The following SBF2 variants were observed in gnomAD, a reference collection of about 807,000 sequenced individuals.
The protein encoded by SBF2 is myotubularin-related protein 13.
SBF2 carries 112 observed loss-of-function variants against 225.2 expected under a neutral mutation model. That is an observed-to-expected ratio of 0.50 (90% confidence interval 0.43 to 0.58). The LOEUF (loss-of-function observed/expected upper bound fraction) is 0.58, where lower values mean the gene tolerates loss of function less well. Ranked by LOEUF, SBF2 falls within the 20% of genes least tolerant of loss-of-function variation. SBF2 has a pLI of 0.00. For synonymous variants in SBF2, 763 were observed against 773.3 expected (o/e 0.99, Z 0.22); for missense variants, 1,996 against 2,206.2 (o/e 0.90, Z 1.91).
intron 1 of SBF2, among the ~76,000 whole-genome samples, chr11:10,245,361 T>G (rs1250959709): frequency 6.6e-6 from 1 of 151,216 alleles, no homozygotes. Context: ...TAGTGCACAA[T>G]GACCTTGCCA....
chr11:10,070,824 C>T (rs1950835715), intron 2 of SBF2, among the ~76,000 whole-genome samples: 1 of 152,158 alleles, frequency 6.6e-6, no homozygotes, highest in South Asian at 2.1e-4. Context: ...TTTGTGTCCT[C>T]TTTTATTTCG....
chr11:10,067,333 AGTCCAAGT>A (rs1950662872), intron 2 of SBF2, among the ~76,000 whole-genome samples: 1 of 152,204 alleles, frequency 6.6e-6, no homozygotes, highest in East Asian at 1.9e-4. Context: ...ATGCAATCCC[AGTCCAAGT>A]GTCACCAGGT....
rs762424617 is a variant in SBF2 at position 9,787,767 on chromosome 11, A to G, written c.4933-29T>C. ...CAAAGAAATTAAAAGTTTTCTGATC[A>G]GTATTTCATAGAAATCAGGATGGGC... On this transcript the variant is annotated intron_variant, in intron 35 of 39. Transcript: ENST00000256190. The G allele has an allele frequency of 5.7e-6, 9 of 1,589,852 alleles. No homozygotes were observed. The South Asian group carries it at 1.0e-4, about 18-fold the overall frequency.
chr11:10,258,936 C>G (rs1197660996), intron 1 of SBF2, among the ~76,000 whole-genome samples: 1 of 152,006 alleles, frequency 6.6e-6, no homozygotes, highest in African/African-American at 2.4e-5. Flanking sequence ...CAAAGGCCAA[C>G]AGAAAAAATG....
chr11:9,944,596 A>T (rs955309310), intron 16 of SBF2, among the ~76,000 whole-genome samples: 1 of 152,202 alleles, frequency 6.6e-6, no homozygotes, highest in Admixed American at 6.5e-5. Context: ...AATACAGATA[A>T]CCTGGGAGGT....
chr11:10,156,527 T>C lies in SBF2; in HGVS notation c.141+37375A>G, dbSNP rs187888842. Among the ~76,000 whole-genome samples, 4 of 152,330 alleles carry C rather than the reference T, an allele frequency of 2.6e-5. No individual in the cohort carries two copies. The East Asian group carries it at 7.7e-4, about 29-fold the overall frequency. The stretch of plus-strand genomic sequence containing the variant: ...CTGGGTGAAGTTGGCACGTCAGTTC[T>C]GGGTGAAGTCTGGGGCTCAGAGTGA... On this transcript the variant is annotated intron_variant, in intron 2 of 39. Coordinates refer to ENST00000256190, the MANE Select transcript of SBF2 (RefSeq NM_030962.4).
At chr11:10,122,414 T>C (rs1228673832) in intron 2 of SBF2, among the ~76,000 whole-genome samples, 1 of 152,150 alleles carries the variant, frequency 6.6e-6, no homozygotes, top group African/African-American at 2.4e-5. Context: ...GACTAATATA[T>C]ATTTATGTAT....
At chr11:10,256,575 A>T (rs560890303) in intron 1 of SBF2, among the ~76,000 whole-genome samples, 5 of 152,338 alleles carry the variant, frequency 3.3e-5, no homozygotes, top group Non-Finnish European at 7.3e-5. Flanking sequence ...GTCAGAAATG[A>T]GCTATGGTTG....
chr11:10,132,232 A>T (rs1329360232), intron 2 of SBF2, among the ~76,000 whole-genome samples: 2 of 152,210 alleles, frequency 1.3e-5, no homozygotes, highest in African/African-American at 4.8e-5. Context: ...TCAATGGAAC[A>T]AACCAAATAT....
At chr11:9,882,663 T>C (rs182626239) in intron 17 of SBF2, among the ~76,000 whole-genome samples, 283 of 151,902 alleles carry the variant, frequency 1.9e-3, no homozygotes, top group Admixed American at 3.8e-3. Flanking sequence ...TAAAATTAGC[T>C]GGGCGCGGTG....
chr11:10,175,899 C>A (rs1272616438), intron 2 of SBF2, among the ~76,000 whole-genome samples: 1 of 151,856 alleles, frequency 6.6e-6, no homozygotes, highest in African/African-American at 2.4e-5. Context: ...GAACAACCGG[C>A]TCCTGAATGA....
At chr11:10,006,387 A>T (rs74767475) in intron 6 of SBF2, among the ~76,000 whole-genome samples, 117 of 152,306 alleles carry the variant, frequency 7.7e-4, no homozygotes, top group African/African-American at 2.7e-3. Flanking sequence ...TTGGATCCCC[A>T]GTCAGCTCCT....
intron 3 of SBF2, 87 bp downstream of exon 3, chr11:10,042,757 T>G: frequency 7.1e-7 from 1 of 1,412,206 alleles, no homozygotes; most frequent in South Asian, 1.2e-5. Context: ...AACTCAAACT[T>G]GCAGTTGTAA....
intron 1 of SBF2, among the ~76,000 whole-genome samples, chr11:10,265,517 T>G (rs2044141): frequency 0.49 from 53,542 of 110,158 alleles, 12,898 homozygotes; most frequent in Non-Finnish European, 0.54. Context: ...GGTGGGGGGG[T>G]ATCAACACAG....
rs908721191 is a variant in SBF2, at chr11:9,882,804, A to C, written c.1929+13139T>G. ...GCCTGGGTGACAGAGTCAAAAAAAA[A>C]AAAAAAAAAAAAAAAACCACCAAAA... On this transcript the variant is annotated intron_variant, in intron 17 of 39. Coordinates refer to ENST00000256190, the MANE Select transcript of SBF2 (RefSeq NM_030962.4). Among the ~76,000 whole-genome samples the C allele has an allele frequency of 1.2e-3, 100 of 83,458 alleles. 1 individual carries two copies. Among genetic ancestry groups the C allele is most frequent in the African/African-American group, 7.9e-3 (98 of 12,396 alleles). The allele number at this position is 83,458 out of a possible 152,430, so 54.8% of individuals were successfully genotyped here.
intron 17 of SBF2, among the ~76,000 whole-genome samples, chr11:9,887,852 T>C (rs1360137897): frequency 6.6e-6 from 1 of 152,050 alleles, no homozygotes. Context: ...TGAGACCTAT[T>C]GTAGGAAATG....
chr11:10,238,369 C>T (rs1959164711), intron 1 of SBF2, among the ~76,000 whole-genome samples: 1 of 151,964 alleles, frequency 6.6e-6, no homozygotes, highest in Non-Finnish European at 1.5e-5. Context: ...ATGATTGTAC[C>T]ACTGCACTCC....
chr11:10,204,152 G>A (rs1957664245), intron 1 of SBF2, among the ~76,000 whole-genome samples: 1 of 149,766 alleles, frequency 6.7e-6, no homozygotes, highest in Non-Finnish European at 1.5e-5. Context: ...ATTGTGCAGA[G>A]TAACAAATAT....
chr11:10,294,009 C>A lies in SBF2; in HGVS notation c.55+6G>T. On this transcript the variant is annotated splice_donor_region_variant and intron_variant, in intron 1 of 39. Transcript: ENST00000256190. ...GCCCGGGGGCGGTGCCGCCCCACAC[C>A]CTTACCTGGCTTCTCGTGGTCATAG... 7.1e-7 allele frequency: 1 copy of A among 1,398,832 alleles called. No homozygotes were observed. Among genetic ancestry groups the A allele is most frequent in the Non-Finnish European group, 9.3e-7 (1 of 1,070,420 alleles). The allele number at this position is 1,398,832 out of a possible 1,614,324, so 86.7% of individuals were successfully genotyped here. A position where few individuals can be genotyped will look rare whatever the true frequency, so the allele number is the denominator to read the frequency against.
Sources: gnomAD v4.1 joint callset for allele counts (sites outside exome capture counted in the v4.1 genomes callset) on GRCh38, gnomAD v4.1.1 for gene constraint, MANE v1.5 for transcripts, NCBI Gene and HGNC (gene_info 2026-07-23, HGNC 2026-07-21) for gene names.